The following DLG2 variants were observed in gnomAD, a reference collection of about 807,000 sequenced individuals.
DLG2 encodes the protein discs large MAGUK scaffold protein 2.
In DLG2, 45 loss-of-function variants were observed where a neutral mutation model predicts 132.5. That is an observed-to-expected ratio of 0.34 (90% confidence interval 0.27 to 0.44). DLG2 has a LOEUF of 0.44. Among genes scored for constraint, DLG2 ranks in the 20% least tolerant of loss-of-function variants. The probability of loss-of-function intolerance (pLI) is 1.00; values close to 1 mark genes in which losing one functional copy is unlikely to be tolerated. For missense variants in DLG2, 1,045 were observed against 1,196.9 expected, an observed-to-expected ratio of 0.87 and a Z score of 1.87; for synonymous variants, 424 against 419.6, an observed-to-expected ratio of 1.01 and a Z score of -0.13.
At chr11:84,732,166 A>G (rs2063232652) in intron 6 of DLG2, among the ~76,000 whole-genome samples, 1 of 152,068 alleles carries the variant, frequency 6.6e-6, no homozygotes, top group Admixed American at 6.6e-5. Context: ...GATATATTAC[A>G]TAATTTGTCT....
rs548945941 is a variant in DLG2 at position 85,556,749 on chromosome 11, C to G, written c.40+41908G>C. Among the ~76,000 whole-genome samples, 15 of 151,866 alleles carry G rather than the reference C, an allele frequency of 9.9e-5. 1 individual carries two copies. The highest frequency in any genetic ancestry group is 3.4e-4 in the African/African-American group (14 of 41,504). On this transcript the variant is annotated intron_variant, in intron 3 of 27. Transcript: ENST00000376104. ...CACCAGGTAATCAGAATGACAGTAA[C>G]AGCAAAATGCCTCACAATCTCACAG...
At chr11:85,260,961 G>T (rs185150822) in intron 4 of DLG2, among the ~76,000 whole-genome samples, 1 of 152,178 alleles carries the variant, frequency 6.6e-6, no homozygotes, top group Admixed American at 6.5e-5. Flanking sequence ...GAAACAAATG[G>T]TAGATTCTTT....
chr11:84,684,626 T>C (rs1383354143), intron 6 of DLG2, among the ~76,000 whole-genome samples: 1 of 152,202 alleles, frequency 6.6e-6, no homozygotes, highest in Non-Finnish European at 1.5e-5. Flanking sequence ...TACAAAGCCA[T>C]GTGACCTCTG....
intron 7 of DLG2, among the ~76,000 whole-genome samples, chr11:84,448,259 G>A (rs1391733385): frequency 6.6e-6 from 1 of 152,008 alleles, no homozygotes; most frequent in East Asian, 1.9e-4. Context: ...GAGGTGAAGT[G>A]CTAGTTTTGG....
intron 6 of DLG2, among the ~76,000 whole-genome samples, chr11:84,979,030 A>T (rs1381971646): frequency 6.6e-6 from 1 of 152,188 alleles, no homozygotes; most frequent in African/African-American, 2.4e-5. Context: ...AAAATAAGAC[A>T]TTTATGCAGC....
chr11:84,241,105 CT>C (rs2097219690), intron 8 of DLG2, among the ~76,000 whole-genome samples: 1 of 152,184 alleles, frequency 6.6e-6, no homozygotes, highest in African/African-American at 2.4e-5. Context: ...CTAGAAATGT[CT>C]TTTTATTCTT....
intron 3 of DLG2, among the ~76,000 whole-genome samples, chr11:85,479,360 T>C (rs945771404): frequency 2.0e-5 from 3 of 152,232 alleles, no homozygotes; most frequent in Non-Finnish European, 2.9e-5. Context: ...TGGAGCTCTC[T>C]AGGACCTCTT....
chr11:84,271,526 A>C lies in DLG2; in HGVS notation c.520-20235T>G, dbSNP rs181640164. ...ACTTTAATAGAAATAATTTTATGAG[A>C]TCAGTAAAGACAAAGCTAATAATGA... On this transcript the variant is annotated intron_variant, in intron 7 of 27. Transcript: ENST00000376104. Among the ~76,000 whole-genome samples, 226 of 152,314 alleles carry C rather than the reference A, an allele frequency of 1.5e-3. 1 individual carries two copies. Among genetic ancestry groups the C allele is most frequent in the African/African-American group, 5.3e-3 (222 of 41,574 alleles).
intron 7 of DLG2, among the ~76,000 whole-genome samples, chr11:84,476,889 T>G (rs1432400683): frequency 6.6e-6 from 1 of 152,188 alleles, no homozygotes; most frequent in Non-Finnish European, 1.5e-5. Context: ...ATATCATCCC[T>G]GCTGTGTCTT....
chr11:84,350,585 G>A (rs1014858676), intron 7 of DLG2, among the ~76,000 whole-genome samples: 10 of 152,168 alleles, frequency 6.6e-5, no homozygotes, highest in Non-Finnish European at 1.3e-4. Context: ...ACCCTCCTAA[G>A]AAACTGGAGA....
chr11:83,899,979 A>C (rs1412620336), intron 15 of DLG2, among the ~76,000 whole-genome samples: 4 of 152,214 alleles, frequency 2.6e-5, no homozygotes, highest in African/African-American at 4.8e-5. Flanking sequence ...TATGGACAAG[A>C]AAGTCCAGGC....
intron 6 of DLG2, among the ~76,000 whole-genome samples, chr11:84,581,146 A>G (rs1490608284): frequency 6.6e-6 from 1 of 152,210 alleles, no homozygotes; most frequent in Non-Finnish European, 1.5e-5. Flanking sequence ...TGACGAATTG[A>G]AGAACCACAT....
At chr11:84,116,757 A>T (rs2093652594) in intron 9 of DLG2, among the ~76,000 whole-genome samples, 1 of 152,202 alleles carries the variant, frequency 6.6e-6, no homozygotes, top group Non-Finnish European at 1.5e-5. Context: ...CCATTTTGTG[A>T]AGAAGCAGGA....
At chr11:84,516,907 T>G (rs1214080689) in intron 7 of DLG2, among the ~76,000 whole-genome samples, 2 of 150,458 alleles carry the variant, frequency 1.3e-5, no homozygotes, top group African/African-American at 2.4e-5. Context: ...TACTTATTAC[T>G]GTGATCATGA....
chr11:84,217,246 C>A (rs1405874709), intron 8 of DLG2, among the ~76,000 whole-genome samples: 1 of 152,178 alleles, frequency 6.6e-6, no homozygotes, highest in East Asian at 1.9e-4. Flanking sequence ...CCACCCAAAT[C>A]TCATCTTGAA....
chr11:83,808,174 C>A (rs1304923936), intron 17 of DLG2, among the ~76,000 whole-genome samples: 1 of 152,154 alleles, frequency 6.6e-6, no homozygotes, highest in African/African-American at 2.4e-5. Context: ...GGCTGTTTCC[C>A]TGTTTCTTTA....
intron 4 of DLG2, among the ~76,000 whole-genome samples, chr11:85,261,860 CA>C (rs536947758): frequency 9.3e-4 from 142 of 152,088 alleles, no homozygotes; most frequent in African/African-American, 3.2e-3. Context: ...GTTGGGCTAT[CA>C]GGGGGAAGGT....
At chr11:84,291,191 T>C (rs2097990485) in intron 7 of DLG2, among the ~76,000 whole-genome samples, 1 of 152,104 alleles carries the variant, frequency 6.6e-6, no homozygotes, top group Admixed American at 6.6e-5. Context: ...GACTGACCAT[T>C]GACCAAAAAC....
intron 11 of DLG2, among the ~76,000 whole-genome samples, chr11:83,989,833 G>A (rs761572757): frequency 6.6e-6 from 1 of 152,172 alleles, no homozygotes; most frequent in African/African-American, 2.4e-5. Flanking sequence ...ATTGGATGAA[G>A]ATTTGTGTAA....
Sources: gnomAD v4.1 joint callset for allele counts (sites outside exome capture counted in the v4.1 genomes callset) on GRCh38, gnomAD v4.1.1 for gene constraint, MANE v1.5 for transcripts, NCBI Gene and HGNC (gene_info 2026-07-23, HGNC 2026-07-21) for gene names.